ARHGAP15: variants seen among roughly 807,000 people sequenced by gnomAD.
The protein encoded by ARHGAP15 is rho GTPase-activating protein 15.
Under a neutral mutation model 63.7 loss-of-function variants are expected in ARHGAP15, and 51 were observed. That is an observed-to-expected ratio of 0.80 (90% CI 0.64 to 1.01). The LOEUF (loss-of-function observed/expected upper bound fraction) is 1.01. Among genes scored for constraint, ARHGAP15 ranks in the 50% least tolerant of loss-of-function variants. The pLI, the probability that ARHGAP15 is intolerant of heterozygous loss-of-function variation, is 0.00. For synonymous variants in ARHGAP15, 191 were observed against 193.8 expected, an observed-to-expected ratio of 0.99 and a Z score of 0.12; for missense variants, 560 against 564.6, an observed-to-expected ratio of 0.99 and a Z score of 0.08.
chr2:143,408,129 A>C (rs1191193227), intron 6 of ARHGAP15, among the ~76,000 whole-genome samples: 1 of 147,900 alleles, frequency 6.8e-6, no homozygotes, highest in Non-Finnish European at 1.5e-5. Flanking sequence ...CTGTTCATTA[A>C]TCTTGGTATA....
At chr2:143,765,196 C>A (rs1686908838) in intron 13 of ARHGAP15, among the ~76,000 whole-genome samples, 1 of 149,042 alleles carries the variant, frequency 6.7e-6, no homozygotes. Context: ...TAATTTAAAA[C>A]CAAATTGGGA....
chr2:143,701,800 CTCTT>C (rs140317903), intron 12 of ARHGAP15, among the ~76,000 whole-genome samples: 24,034 of 152,124 alleles, frequency 0.16, 2,137 homozygotes, highest in South Asian at 0.29. Flanking sequence ...TTCGAGAAAG[CTCTT>C]TCTACCTGTG....
rs146943398 is a variant in ARHGAP15 at position 143,344,878 on chromosome 2, G to T, written c.475-90723G>T. Among the ~76,000 whole-genome samples the T allele has an allele frequency of 9.9e-5, 15 of 152,236 alleles. No individual in the cohort carries two copies. The East Asian group carries it at 2.7e-3, about 28-fold the overall frequency. On this transcript the variant is annotated intron_variant, in intron 6 of 13. Coordinates refer to ENST00000295095, the MANE Select transcript of ARHGAP15 (RefSeq NM_018460.4). ...AATATCACATAGTCAAAAGGGCTTT[G>T]CTGAAAATATAACTAATGAGGAAGG...
chr2:143,743,374 G>A (rs1186947492), intron 13 of ARHGAP15, among the ~76,000 whole-genome samples: 4 of 152,198 alleles, frequency 2.6e-5, no homozygotes, highest in Admixed American at 6.5e-5. Context: ...TCATTAAGGT[G>A]TAGAGGTAGA....
At chr2:143,577,178 C>T (rs993880266) in intron 11 of ARHGAP15, among the ~76,000 whole-genome samples, 4 of 152,112 alleles carry the variant, frequency 2.6e-5, no homozygotes, top group African/African-American at 7.2e-5. Flanking sequence ...CTACCATCTG[C>T]ACCACATTTC....
intron 6 of ARHGAP15, among the ~76,000 whole-genome samples, chr2:143,306,508 C>T (rs1007074988): frequency 6.6e-6 from 1 of 152,076 alleles, no homozygotes; most frequent in Non-Finnish European, 1.5e-5. Flanking sequence ...ACCTCAGGTG[C>T]TTATGGAGAT....
At chr2:143,760,328 G>T (rs1303309476) in intron 13 of ARHGAP15, among the ~76,000 whole-genome samples, 1 of 152,066 alleles carries the variant, frequency 6.6e-6, no homozygotes, top group Admixed American at 6.6e-5. Flanking sequence ...CACATAGAAG[G>T]TATTAATAGT....
chr2:143,639,394 A>C (rs955005706), intron 12 of ARHGAP15, among the ~76,000 whole-genome samples: 3 of 152,160 alleles, frequency 2.0e-5, no homozygotes, highest in Non-Finnish European at 4.4e-5. Flanking sequence ...GGGTCACTGG[A>C]AAAATTTTTA....
intron 1 of ARHGAP15, among the ~76,000 whole-genome samples, chr2:143,134,007 A>G (rs1253153274): frequency 6.6e-6 from 1 of 152,196 alleles, no homozygotes; most frequent in Admixed American, 6.5e-5. Flanking sequence ...ATATGGAAAT[A>G]TCATACTTAA....
intron 2 of ARHGAP15, among the ~76,000 whole-genome samples, chr2:143,171,070 T>G (rs1210342508): frequency 6.6e-6 from 1 of 151,950 alleles, no homozygotes; most frequent in Non-Finnish European, 1.5e-5. Context: ...AACACAAGAA[T>G]AGCAACAACA....
rs192891224 is a variant in ARHGAP15, at chr2:143,137,132, C to T, written c.-15+7666C>T. Among the ~76,000 whole-genome samples, 34 of 152,124 alleles carry T rather than the reference C, an allele frequency of 2.2e-4. No individual in the cohort carries two copies. The East Asian group carries it at 5.2e-3, about 23-fold the overall frequency. ...CTCCTTTCATGATTTGCAAGGACCT[C>T]GTTATCTCATTACTCTGCTTTTGTT... On this transcript the variant is annotated intron_variant, in intron 1 of 13. Coordinates refer to ENST00000295095, the MANE Select transcript of ARHGAP15 (RefSeq NM_018460.4).
At chr2:143,688,444 G>A (rs557368905) in intron 12 of ARHGAP15, among the ~76,000 whole-genome samples, 2 of 152,110 alleles carry the variant, frequency 1.3e-5, no homozygotes, top group Admixed American at 6.6e-5. Context: ...AACCATCAAG[G>A]GTGGACCACA....
At chr2:143,730,839 T>G (rs1685494439) in intron 13 of ARHGAP15, among the ~76,000 whole-genome samples, 2 of 150,082 alleles carry the variant, frequency 1.3e-5, no homozygotes, top group African/African-American at 4.9e-5. Context: ...AGGGGTTGGT[T>G]TTGTTTTTAA....
intron 6 of ARHGAP15, among the ~76,000 whole-genome samples, chr2:143,268,619 T>C (rs1308088744): frequency 2.6e-5 from 4 of 152,114 alleles, no homozygotes; most frequent in Non-Finnish European, 4.4e-5. Flanking sequence ...AGTTTGAAAA[T>C]GTAATTAGTT....
chr2:143,552,100 T>G (rs186777889), intron 10 of ARHGAP15, among the ~76,000 whole-genome samples: 1 of 152,318 alleles, frequency 6.6e-6, no homozygotes, highest in Non-Finnish European at 1.5e-5. Flanking sequence ...GAATGGCACT[T>G]CTTGTGGTAG....
intron 6 of ARHGAP15, among the ~76,000 whole-genome samples, chr2:143,263,253 A>G (rs1680819268): frequency 6.6e-6 from 1 of 152,164 alleles, no homozygotes; most frequent in African/African-American, 2.4e-5. Flanking sequence ...AGGCAAGATC[A>G]TGAATCACCC....
chr2:143,348,462 T>C (rs1458673618), intron 6 of ARHGAP15, among the ~76,000 whole-genome samples: 1 of 152,054 alleles, frequency 6.6e-6, no homozygotes, highest in Admixed American at 6.6e-5. Flanking sequence ...ATTTTCAGGA[T>C]TAAAAAAAAA....
chr2:143,333,507 A>G lies in ARHGAP15; in HGVS notation c.474+82907A>G, dbSNP rs567873094. On this transcript the variant is annotated intron_variant, in intron 6 of 13. Coordinates refer to ENST00000295095, the MANE Select transcript of ARHGAP15 (RefSeq NM_018460.4). Reference sequence around the variant, plus strand: ...TTTATGAAGAAAACGGCTTTTGGAGAAAGCAGGAAATACTAGTACATCAAA... The same window carrying G: ...TTTATGAAGAAAACGGCTTTTGGAGGAAGCAGGAAATACTAGTACATCAAA... 5.3e-5 allele frequency among the ~76,000 whole-genome samples: 8 copies of G among 152,312 alleles called. No individual in the cohort carries two copies. The East Asian group carries it at 1.2e-3, about 22-fold the overall frequency.
chr2:143,573,317 T>C (rs1364695954), intron 11 of ARHGAP15, among the ~76,000 whole-genome samples: 1 of 152,158 alleles, frequency 6.6e-6, no homozygotes, highest in Non-Finnish European at 1.5e-5. Flanking sequence ...AAAAGAAATT[T>C]ATAAAATCAC....
Sources: allele counts gnomAD v4.1 joint callset (sites outside exome capture counted in the v4.1 genomes callset), GRCh38; gene constraint gnomAD v4.1.1; transcripts MANE v1.5; gene names NCBI Gene and HGNC (gene_info 2026-07-23, HGNC 2026-07-21).